SYNE1: variants seen among roughly 807,000 people sequenced by gnomAD.
The protein encoded by SYNE1 is spectrin repeat containing nuclear envelope protein 1.
Under a neutral mutation model 1,111.0 loss-of-function variants are expected in SYNE1, and 616 were observed. That is an observed-to-expected ratio of 0.55 (90% CI 0.52 to 0.59). The LOEUF (loss-of-function observed/expected upper bound fraction) is 0.59. Ranked by LOEUF, SYNE1 falls within the 20% of genes least tolerant of loss-of-function variation. The pLI, the probability that SYNE1 is intolerant of heterozygous loss-of-function variation, is 0.00. For synonymous variants in SYNE1, 3,855 were observed against 3,825.8 expected (o/e 1.01, Z -0.28); for missense variants, 10,006 against 10,417.0 (o/e 0.96, Z 1.72).
rs773593843 is a variant in SYNE1, at chr6:152,331,476, C to A, written c.13209G>T (p.Ser4403=). The change falls in exon 78 of 146, where the codon TCG becomes TCT. Residue 4403 remains serine, a synonymous_variant. Coordinates refer to ENST00000367255, the MANE Select transcript of SYNE1 (RefSeq NM_182961.4). The stretch of plus-strand genomic sequence containing the variant: ...TGACCCTGTCTGCGTCCTTTATAAG[C>A]GATTTCAGGAGCATCTGCTTGGCCT... ...ELEAKQMLLK[S]LIKDADRVMA... is the part of the protein sequence containing the mutation. 1.2e-6 allele frequency: 2 copies of A among 1,614,084 alleles called. No homozygotes were observed. Among genetic ancestry groups the A allele is most frequent in the Non-Finnish European group, 1.7e-6 (2 of 1,180,006 alleles).
intron 119 of SYNE1, 103 bp from the exon 120 acceptor site, chr6:152,219,288 G>T (rs893309966): frequency 1.8e-6 from 2 of 1,125,240 alleles, no homozygotes; most frequent in Admixed American, 1.8e-5. Flanking sequence ...CCATTCCTAC[G>T]GATCATATTA....
chr6:152,226,134 C>A (rs1182169864), intron 115 of SYNE1, among the ~76,000 whole-genome samples: 1 of 152,126 alleles, frequency 6.6e-6, no homozygotes, highest in Non-Finnish European at 1.5e-5. Flanking sequence ...GGAAATGGTA[C>A]TATGTAATTT....
At chr6:152,308,695 G>A in intron 90 of SYNE1, 63 bp from the exon 91 acceptor site, 2 of 1,543,556 alleles carry the variant, frequency 1.3e-6, no homozygotes, top group Non-Finnish European at 1.7e-6. Context: ...AACTAGGTAA[G>A]TGATTCTGTA....
At chr6:152,601,977 T>C (rs963643167) in intron 3 of SYNE1, among the ~76,000 whole-genome samples, 18 of 152,102 alleles carry the variant, frequency 1.2e-4, no homozygotes, top group African/African-American at 4.3e-4. Flanking sequence ...CCCCTGGGTC[T>C]CCACTCATTT....
intron 14 of SYNE1, among the ~76,000 whole-genome samples, chr6:152,472,851 C>A (rs536403916): frequency 6.6e-6 from 1 of 152,254 alleles, no homozygotes; most frequent in African/African-American, 2.4e-5. Flanking sequence ...ACTTTGAATG[C>A]ATGCAGACTA....
At chr6:152,365,320 A>G (rs1362928142) in intron 62 of SYNE1, among the ~76,000 whole-genome samples, 1 of 152,236 alleles carries the variant, frequency 6.6e-6, no homozygotes, top group Non-Finnish European at 1.5e-5. Flanking sequence ...AGTACAGTAG[A>G]ATTCATGATT....
intron 104 of SYNE1, among the ~76,000 whole-genome samples, chr6:152,253,272 G>A (rs1314827590): frequency 6.6e-6 from 1 of 152,160 alleles, no homozygotes; most frequent in African/African-American, 2.4e-5. Context: ...TAATGGTTGA[G>A]TAACACTGAA....
chr6:152,464,461 T>C (rs2154268816), intron 18 of SYNE1, among the ~76,000 whole-genome samples: 1 of 152,298 alleles, frequency 6.6e-6, no homozygotes, highest in African/African-American at 2.4e-5. Flanking sequence ...TATGGGTACA[T>C]AGTTATTGCC....
At chr6:152,189,120 C>T in intron 128 of SYNE1, 132 bp downstream of exon 128, 1 of 888,714 alleles carries the variant, frequency 1.1e-6, no homozygotes, top group Non-Finnish European at 1.8e-6. Flanking sequence ...CTGGTAGTAA[C>T]CACAGTGTTC....
At chr6:152,293,167 G>C (rs529975645) in intron 95 of SYNE1, among the ~76,000 whole-genome samples, 2 of 152,320 alleles carry the variant, frequency 1.3e-5, no homozygotes, top group East Asian at 1.9e-4. Flanking sequence ...AGTGATAATG[G>C]AGGGGCACCC....
intron 122 of SYNE1, among the ~76,000 whole-genome samples, chr6:152,214,500 G>A (rs1013476487): frequency 1.3e-5 from 2 of 152,180 alleles, no homozygotes; most frequent in Non-Finnish European, 2.9e-5. Context: ...CCATAATTCA[G>A]GTGATGAAAC....
intron 98 of SYNE1, among the ~76,000 whole-genome samples, chr6:152,275,093 G>A (rs1426863460): frequency 1.3e-5 from 2 of 152,108 alleles, no homozygotes; most frequent in Non-Finnish European, 2.9e-5. Flanking sequence ...TATTTGTAGA[G>A]ATGGGGTTTT....
chr6:152,234,184 T>C (rs575168008), intron 111 of SYNE1, among the ~76,000 whole-genome samples: 4 of 152,376 alleles, frequency 2.6e-5, no homozygotes, highest in African/African-American at 4.8e-5. Context: ...GTTGAGTCAC[T>C]GAGCCCTATT....
At chr6:152,156,775 A>T (rs1449019464) in intron 131 of SYNE1, among the ~76,000 whole-genome samples, 1 of 152,126 alleles carries the variant, frequency 6.6e-6, no homozygotes, top group Admixed American at 6.5e-5. Flanking sequence ...AAGGGCCTGT[A>T]TATATGCATG....
intron 142 of SYNE1, 157 bp downstream of exon 142, chr6:152,134,947 T>C (rs1429194071): frequency 3.4e-6 from 3 of 884,080 alleles, no homozygotes; most frequent in African/African-American, 1.7e-5. Context: ...TTTACAAAGA[T>C]TGGAAACCAC....
intron 138 of SYNE1, 91 bp from the exon 139 acceptor site, chr6:152,141,420 G>A (rs2058532270): frequency 1.9e-6 from 3 of 1,569,494 alleles, no homozygotes. Flanking sequence ...TTCTCAGCAA[G>A]AGAAGTGTCT....
chr6:152,359,049 T>C (rs565784944), intron 65 of SYNE1, among the ~76,000 whole-genome samples: 19 of 152,350 alleles, frequency 1.2e-4, no homozygotes, highest in African/African-American at 2.9e-4. Context: ...GAGTCTTCAA[T>C]TGAAGGTGTC....
intron 97 of SYNE1, among the ~76,000 whole-genome samples, chr6:152,280,923 C>T (rs1030810898): frequency 6.6e-6 from 1 of 152,040 alleles, no homozygotes; most frequent in East Asian, 1.9e-4. Flanking sequence ...TCTCAAATCA[C>T]AAATAAGAAT....
intron 124 of SYNE1, among the ~76,000 whole-genome samples, chr6:152,209,368 G>C (rs1197683117): frequency 6.6e-6 from 1 of 152,136 alleles, no homozygotes; most frequent in Non-Finnish European, 1.5e-5. Flanking sequence ...ATAACACCCA[G>C]ACAACGTCAA....
Sources: allele counts gnomAD v4.1 joint callset (sites outside exome capture counted in the v4.1 genomes callset), GRCh38; gene constraint gnomAD v4.1.1; transcripts MANE v1.5; gene names NCBI Gene and HGNC (gene_info 2026-07-23, HGNC 2026-07-21).